Variants in FBXL20 observed in about 807,000 individuals in gnomAD.
FBXL20 encodes F-box/LRR-repeat protein 20.
Under a neutral mutation model 64.0 loss-of-function variants are expected in FBXL20, and 11 were observed. That is an observed-to-expected ratio of 0.17 (90% CI 0.11 to 0.28). The LOEUF (loss-of-function observed/expected upper bound fraction) is 0.28, where lower values mean the gene tolerates loss of function less well. FBXL20 is among the 10% of genes least tolerant of loss of function. The probability of loss-of-function intolerance (pLI) is 1.00; values close to 1 mark genes in which losing one functional copy is unlikely to be tolerated. For synonymous variants in FBXL20, 184 were observed against 189.0 expected, an observed-to-expected ratio of 0.97 and a Z score of 0.22; for missense variants, 303 against 526.2, an observed-to-expected ratio of 0.58 and a Z score of 4.15.
intron 1 of FBXL20, among the ~76,000 whole-genome samples, chr17:39,370,334 T>G (rs1057015013): frequency 7.4e-6 from 1 of 134,574 alleles, no homozygotes; most frequent in East Asian, 2.2e-4. Flanking sequence ...CTACCAAAAA[T>G]ACAAAAACCA....
Position 39,320,738 on chromosome 17 carries a change from G to A in FBXL20, c.105-17099C>T, listed in dbSNP as rs2047347883. 2.0e-5 allele frequency among the ~76,000 whole-genome samples: 3 copies of A among 152,090 alleles called. No homozygotes were observed. The South Asian group carries it at 6.2e-4, about 32-fold the overall frequency. On this transcript the variant is annotated intron_variant, in intron 2 of 14. Transcript: ENST00000264658. ...GCCTCCCAAGCAGCTGGGACTACAG[G>A]TAAATACAACCATATCTGGCTAATT...
intron 2 of FBXL20, among the ~76,000 whole-genome samples, chr17:39,313,202 C>A (rs954111378): frequency 1.1e-4 from 16 of 151,820 alleles, no homozygotes; most frequent in Non-Finnish European, 2.1e-4. Flanking sequence ...CAGGTGTGAG[C>A]CACAGTGCCC....
chr17:39,269,574 C>T (rs1283044208), intron 11 of FBXL20, among the ~76,000 whole-genome samples: 1 of 148,306 alleles, frequency 6.7e-6, no homozygotes, highest in Non-Finnish European at 1.5e-5. Flanking sequence ...TCTCAGCTCA[C>T]TGCAACCTCC....
chr17:39,323,751 G>C (rs146687042), intron 2 of FBXL20, among the ~76,000 whole-genome samples: 1 of 150,660 alleles, frequency 6.6e-6, no homozygotes, highest in Non-Finnish European at 1.5e-5. Flanking sequence ...ACACCACCTT[G>C]TTATGTCTTT....
chr17:39,361,267 T>C (rs987150643), intron 1 of FBXL20, among the ~76,000 whole-genome samples: 5 of 151,932 alleles, frequency 3.3e-5, no homozygotes, highest in East Asian at 1.9e-4. Flanking sequence ...GCCAAGCAGA[T>C]TGAGCTGCCA....
intron 1 of FBXL20, among the ~76,000 whole-genome samples, chr17:39,382,761 G>A (rs1241740447): frequency 6.6e-6 from 1 of 151,976 alleles, no homozygotes; most frequent in African/African-American, 2.4e-5. Flanking sequence ...GATCACTAGA[G>A]CTCAGGAGTT....
At chr17:39,315,251 T>C (rs1434649219) in intron 2 of FBXL20, among the ~76,000 whole-genome samples, 5 of 151,934 alleles carry the variant, frequency 3.3e-5, no homozygotes, top group South Asian at 2.1e-4. Flanking sequence ...TGGTACCCCA[T>C]TGTTGTTATG....
chr17:39,336,931 A>C (rs2047527877), intron 2 of FBXL20, among the ~76,000 whole-genome samples: 1 of 151,036 alleles, frequency 6.6e-6, no homozygotes, highest in Admixed American at 6.6e-5. Context: ...ATGGATGTTA[A>C]AAATAATAAA....
At chr17:39,379,260 G>A (rs2047999966) in intron 1 of FBXL20, among the ~76,000 whole-genome samples, 1 of 151,234 alleles carries the variant, frequency 6.6e-6, no homozygotes, top group African/African-American at 2.4e-5. Flanking sequence ...AATAATAAAG[G>A]AAAATAACAA....
intron 1 of FBXL20, among the ~76,000 whole-genome samples, chr17:39,385,157 G>A (rs1158309825): frequency 2.0e-5 from 3 of 152,116 alleles, no homozygotes; most frequent in African/African-American, 4.8e-5. Flanking sequence ...AGGAGGTCAA[G>A]GCTGCAGTGA....
chr17:39,267,130 T>C (rs1364474728), intron 12 of FBXL20, among the ~76,000 whole-genome samples: 2 of 151,034 alleles, frequency 1.3e-5, no homozygotes, highest in African/African-American at 4.9e-5. Flanking sequence ...CAGGCGCCTA[T>C]AATCCCAGCT....
intron 1 of FBXL20, among the ~76,000 whole-genome samples, chr17:39,392,928 G>T (rs1013488777): frequency 6.6e-6 from 1 of 151,596 alleles, no homozygotes; most frequent in Non-Finnish European, 1.5e-5. Flanking sequence ...TTGAACCCAG[G>T]AGGCGGAGGA....
At chr17:39,379,427 CGA>C (rs948367709) in intron 1 of FBXL20, among the ~76,000 whole-genome samples, 2 of 142,056 alleles carry the variant, frequency 1.4e-5, no homozygotes, top group African/African-American at 2.7e-5. Flanking sequence ...CGCCTCAGTT[CGA>C]GAGGCCAGCA....
In FBXL20 at chr17:39,303,613, G is replaced by T; in HGVS notation, c.131C>A (p.Thr44Asn). Residue 44 changes from threonine to asparagine, a missense_variant, in exon 3 of 15, where the codon ACC becomes AAC. Coordinates refer to ENST00000264658, the MANE Select transcript of FBXL20 (RefSeq NM_032875.3). ...GGAGACCTGAGCACAGCGGCACAGG[G>T]TAACAACATCTAGAAAAGAAAATAT... ...LRIFSFLDVV[T>N]LCRCAQVSRA... is the part of the protein sequence containing the mutation. 1.9e-6 allele frequency: 3 copies of T among 1,611,238 alleles called. No individual in the cohort carries two copies. The highest frequency in any genetic ancestry group is 2.5e-6 in the Non-Finnish European group (3 of 1,178,658).
At chr17:39,316,294 T>TAC (rs34083114) in intron 2 of FBXL20, among the ~76,000 whole-genome samples, 20,800 of 150,100 alleles carry the variant, frequency 0.14, 1,475 homozygotes, top group African/African-American at 0.17. Flanking sequence ...CATCTACATA[T>TAC]ACACACACAC....
At chr17:39,314,798 T>TC (rs999545971) in intron 2 of FBXL20, among the ~76,000 whole-genome samples, 1 of 145,668 alleles carries the variant, frequency 6.9e-6, no homozygotes, top group African/African-American at 2.6e-5. Flanking sequence ...TCCTTTTCTT[T>TC]TTTTTTTTTT....
In FBXL20 at chr17:39,401,354, C is replaced by G. The variant is rs767207537; in HGVS notation, c.42+7G>C. 1 of 1,613,122 alleles carries G rather than the reference C, an allele frequency of 6.2e-7. No homozygotes were observed. The highest frequency in any genetic ancestry group is 8.5e-7 in the Non-Finnish European group (1 of 1,179,592). Reference sequence around the variant, plus strand: ...CCTCACGCCGCCCGAGCCCCCCAAGCTCACACCTCAAACCTGCTCTTGGTC... The same window carrying G: ...CCTCACGCCGCCCGAGCCCCCCAAGGTCACACCTCAAACCTGCTCTTGGTC... On this transcript the variant is annotated splice_region_variant and intron_variant, in intron 1 of 14. Transcript: ENST00000264658.
intron 6 of FBXL20, among the ~76,000 whole-genome samples, chr17:39,292,589 T>A (rs1190551496): frequency 6.6e-6 from 1 of 151,800 alleles, no homozygotes; most frequent in Non-Finnish European, 1.5e-5. Context: ...TCCTTATTGT[T>A]CAGTTCTATT....
chr17:39,357,501 T>C (rs565061753), intron 1 of FBXL20, among the ~76,000 whole-genome samples: 1 of 152,160 alleles, frequency 6.6e-6, no homozygotes, highest in Non-Finnish European at 1.5e-5. Context: ...TCCTTTTATA[T>C]TGCCTTCTGG....
Sources: gnomAD v4.1 joint callset for allele counts (sites outside exome capture counted in the v4.1 genomes callset) on GRCh38, gnomAD v4.1.1 for gene constraint, MANE v1.5 for transcripts, NCBI Gene and HGNC (gene_info 2026-07-23, HGNC 2026-07-21) for gene names.